Variants in SEPTIN3 observed in about 807,000 individuals in gnomAD.
SEPTIN3 encodes neuronal-specific septin-3.
A neutral mutation model predicts 45.1 loss-of-function variants in SEPTIN3; 15 were observed. The ratio of observed to expected loss-of-function variants is 0.33; its 90% CI spans 0.22 to 0.51. The LOEUF (loss-of-function observed/expected upper bound fraction) is 0.51, where lower values mean the gene tolerates loss of function less well. Among genes scored for constraint, SEPTIN3 ranks in the 20% least tolerant of loss-of-function variants. The pLI is 0.97. For missense variants in SEPTIN3, 289 were observed against 457.2 expected, an observed-to-expected ratio of 0.63 and a Z score of 3.35; for synonymous variants, 148 against 164.8, an observed-to-expected ratio of 0.90 and a Z score of 0.78.
At chr22:41,996,651 C>T (rs917320947) in intron 11 of SEPTIN3, 8 of 1,308,254 alleles carry the variant, frequency 6.1e-6, no homozygotes, top group South Asian at 4.0e-5. Flanking sequence ...ACAGCAGCAG[C>T]GCTACAGCCC....
Position 41,994,355 on chromosome 22 carries a change from C to T in SEPTIN3, c.2411+14C>T. ...CTTTGTCATCAGGTAAGATGTCTCC[C>T]CTCCAGCTGTCCAGACAGCAGGTTG... On this transcript the variant is annotated intron_variant, in intron 10 of 11. Transcript: ENST00000644076. This position sits in a 1 kb window ranked among gnomAD's most constrained non-coding sequence, Gnocchi z 4.2. 1 of 1,613,610 alleles carries T rather than the reference C, an allele frequency of 6.2e-7. No individual in the cohort carries two copies. The highest frequency in any genetic ancestry group is 1.1e-5 in the South Asian group (1 of 91,068).
rs771570299 is a variant in SEPTIN3, at chr22:41,986,826, AT to A, written c.1826-378del. On this transcript the variant is annotated intron_variant, in intron 4 of 11. Transcript: ENST00000644076. Reference sequence around the variant, plus strand: ...CGAAACCCTGTCTCTTAAAAAAAAAATTAGCTGGGTATGATGGTGCATATCT... The same window carrying A: ...CGAAACCCTGTCTCTTAAAAAAAAAATAGCTGGGTATGATGGTGCATATCT... Among the ~76,000 whole-genome samples the A allele has an allele frequency of 2.0e-5, 3 of 152,114 alleles. No individual in the cohort carries two copies. In the South Asian group the frequency reaches 6.3e-4, roughly 32 times the overall value.
intron 6 of SEPTIN3, among the ~76,000 whole-genome samples, chr22:41,988,221 A>C (rs1056404576): frequency 6.6e-6 from 1 of 152,170 alleles, no homozygotes; most frequent in Non-Finnish European, 1.5e-5. Flanking sequence ...AGAAGGTACC[A>C]GCCTGGAGTG....
chr22:41,988,474 A>G (rs2078246018), intron 6 of SEPTIN3, among the ~76,000 whole-genome samples: 1 of 152,106 alleles, frequency 6.6e-6, no homozygotes, highest in South Asian at 2.1e-4. Flanking sequence ...GCCAGAGTTA[A>G]GCTCTTCAGA....
intron 2 of SEPTIN3, among the ~76,000 whole-genome samples, chr22:41,973,228 AAAG>A (rs377417789): frequency 1.9e-3 from 282 of 152,246 alleles, no homozygotes; most frequent in African/African-American, 6.4e-3. Flanking sequence ...AAACTATCAG[AAAG>A]AAGGTTTTGG....
At chr22:41,984,243 C>A (rs2078165404) in intron 3 of SEPTIN3, among the ~76,000 whole-genome samples, 1 of 152,184 alleles carries the variant, frequency 6.6e-6, no homozygotes, top group Admixed American at 6.5e-5. Flanking sequence ...CAAAGGCATT[C>A]AGGGAAAACA....
chr22:41,996,694 T>C (rs977912865), intron 11 of SEPTIN3: 2 of 1,433,874 alleles, frequency 1.4e-6, no homozygotes, highest in Admixed American at 5.7e-5. Flanking sequence ...ACAGGGATCC[T>C]TGGCTACTGT....
intron 11 of SEPTIN3, chr22:41,996,313 C>G (rs965507252): frequency 1.0e-6 from 1 of 985,308 alleles, no homozygotes; most frequent in African/African-American, 1.7e-5. Context: ...GCCAGGGAAA[C>G]AGTTTAGCCT....
intron 3 of SEPTIN3, 106 bp downstream of exon 3, chr22:41,981,942 T>C: frequency 1.0e-6 from 1 of 992,084 alleles, no homozygotes; most frequent in Non-Finnish European, 1.5e-6. Context: ...AGATGAGCTG[T>C]TTGTAGAAGG....
At chr22:41,985,810 G>A in intron 3 of SEPTIN3, 174 bp from the exon 4 acceptor site, 1 of 638,222 alleles carries the variant, frequency 1.6e-6, no homozygotes, top group Non-Finnish European at 2.6e-6. Flanking sequence ...GCAGTAAGCA[G>A]GAAGCCATTC....
At chr22:41,973,300 T>C (rs2077978475) in intron 2 of SEPTIN3, among the ~76,000 whole-genome samples, 1 of 151,698 alleles carries the variant, frequency 6.6e-6, no homozygotes, top group South Asian at 2.1e-4. Flanking sequence ...GATGGGAGGA[T>C]TGCTTGAGTG....
At chr22:41,990,301 G>A (rs1187251662) in intron 7 of SEPTIN3, among the ~76,000 whole-genome samples, 3 of 151,232 alleles carry the variant, frequency 2.0e-5, no homozygotes, top group Non-Finnish European at 4.4e-5. Flanking sequence ...TGATCTGCCC[G>A]CCTCGGCCTC....
At position 41,972,418 on chromosome 22, in the gene SEPTIN3, A is replaced by T. The variant is rs2077969478; in HGVS notation, c.926A>T (p.Asp309Val). 2.5e-6 allele frequency: 1 copy of T among 399,068 alleles called. No individual in the cohort carries two copies. Among genetic ancestry groups the T allele is most frequent in the Admixed American group, 4.4e-5 (1 of 22,734 alleles). The allele number at this position is 399,068 out of a possible 1,614,324, so 24.7% of individuals were successfully genotyped here. Residue 309 changes from aspartate to valine, a missense_variant, in exon 2 of 12, where the codon GAC becomes GTC. By Grantham distance (152) the Asp-to-Val change is radical. Transcript: ENST00000644076. ...GATATCAAGCTGGGCACAGCCAGAG[A>T]CTTGTCTTCGGTAGGGACAGTCAAG... is the stretch of plus-strand genomic sequence containing the variant. ...ALDIKLGTAR[D>V]LSSVGTVKSG...
chr22:41,981,712 G>T lies in SEPTIN3; in HGVS notation c.1572G>T (p.Ala524=). 1 of 1,614,036 alleles carries T rather than the reference G, an allele frequency of 6.2e-7. No individual in the cohort carries two copies. Among genetic ancestry groups the T allele is most frequent in the Non-Finnish European group, 8.5e-7 (1 of 1,180,002 alleles). ...TGCCTGAGCCCAGGCCTAAGCCAGCGGTGCCCATGAAGCCCATGAGCATCA... is the reference window on the plus strand; with the variant it reads ...TGCCTGAGCCCAGGCCTAAGCCAGCTGTGCCCATGAAGCCCATGAGCATCA... ...ELVPEPRPKP[A]VPMKPMSINS... is the part of the protein sequence containing the mutation. Residue 524 remains alanine (A), a synonymous_variant, in exon 3 of 12, where the codon GCG becomes GCT. Coordinates refer to ENST00000644076, the MANE Select transcript of SEPTIN3 (RefSeq NM_001363845.2).
chr22:41,981,600 G>A (rs766688314), intron 2 of SEPTIN3, 45 bp from the exon 3 acceptor site: 12 of 1,515,944 alleles, frequency 7.9e-6, no homozygotes, highest in South Asian at 5.8e-5. Context: ...GACCTCTGCC[G>A]TCCTCCTGAT....
chr22:41,974,536 G>A (rs377632228), intron 2 of SEPTIN3, among the ~76,000 whole-genome samples: 1 of 151,486 alleles, frequency 6.6e-6, no homozygotes, highest in African/African-American at 2.4e-5. Context: ...GGTGGTGGGT[G>A]CCTGTAGTCC....
chr22:41,990,086 G>C lies in SEPTIN3; in HGVS notation c.2163+402G>C, dbSNP rs139666088. On this transcript the variant is annotated intron_variant, in intron 7 of 11. Coordinates refer to ENST00000644076, the MANE Select transcript of SEPTIN3 (RefSeq NM_001363845.2). Reference sequence around the variant, plus strand: ...TTTGGAGTCTCTCTCTGTCGCCCAGGCTGGAGTGCAGTGGCGTGATCTCGG... The same window carrying C: ...TTTGGAGTCTCTCTCTGTCGCCCAGCCTGGAGTGCAGTGGCGTGATCTCGG... Among the ~76,000 whole-genome samples, 365 of 151,464 alleles carry C rather than the reference G, an allele frequency of 2.4e-3. 3 individuals are homozygous for C. The highest frequency in any genetic ancestry group is 8.4e-3 in the African/African-American group (349 of 41,310).
chr22:41,985,788 C>T (rs753540946), intron 3 of SEPTIN3, 196 bp from the exon 4 acceptor site: 1 of 510,516 alleles, frequency 2.0e-6, no homozygotes. Context: ...TGATGTTTCC[C>T]CAAGGCCCTC....
chr22:41,993,443 G>T (rs2078357504), intron 9 of SEPTIN3, among the ~76,000 whole-genome samples: 1 of 151,936 alleles, frequency 6.6e-6, no homozygotes, highest in East Asian at 1.9e-4. Flanking sequence ...TTCTGCCTTA[G>T]TCTCCCAAGT....
Sources: allele counts gnomAD v4.1 joint callset (sites outside exome capture counted in the v4.1 genomes callset), GRCh38; gene constraint gnomAD v4.1.1; non-coding constraint Gnocchi (gnomAD v3.1); transcripts MANE v1.5; gene names NCBI Gene and HGNC (gene_info 2026-07-23, HGNC 2026-07-21).